CYP3A43: variants seen among roughly 807,000 people sequenced by gnomAD.
CYP3A43 encodes cytochrome P450 family 3 subfamily A member 43.
CYP3A43 carries 45 observed loss-of-function variants against 58.0 expected under a neutral mutation model. That is an observed-to-expected ratio of 0.78 (90% CI 0.61 to 0.99). The LOEUF is 0.99. Among genes scored for constraint, CYP3A43 ranks in the 50% least tolerant of loss-of-function variants. The pLI, the probability that CYP3A43 is intolerant of heterozygous loss-of-function variation, is 0.00. For synonymous variants in CYP3A43, 191 were observed against 201.4 expected (o/e 0.95, Z 0.44); for missense variants, 593 against 591.9 (o/e 1.00, Z -0.02).
intron 12 of CYP3A43, among the ~76,000 whole-genome samples, chr7:99,864,077 A>T (rs1818352736): frequency 6.7e-6 from 1 of 148,662 alleles, no homozygotes; most frequent in South Asian, 2.1e-4. Context: ...ACTAGAACTC[A>T]CTAGAACTTG....
chr7:99,866,006 C>T lies in CYP3A43; in HGVS notation c.*5C>T, dbSNP rs370581296. On this transcript the variant is annotated 3_prime_UTR_variant, in exon 13 of 13. Coordinates refer to ENST00000354829, the MANE Select transcript of CYP3A43 (RefSeq NM_057095.3). ...GGGATTACAAGTGGACCCTGACTTT[C>T]CCTAAGGACTTCCACTTTGTTCAAG... 2.6e-5 allele frequency: 41 copies of T among 1,568,896 alleles called. No homozygotes were observed. In the African/African-American group the frequency reaches 4.9e-4, roughly 19 times the overall value.
At chr7:99,839,851 G>A (rs1817263795) in intron 3 of CYP3A43, among the ~76,000 whole-genome samples, 1 of 152,166 alleles carries the variant, frequency 6.6e-6, no homozygotes, top group African/African-American at 2.4e-5. Flanking sequence ...TAAAAAACTG[G>A]TTAGGACTAG....
At chr7:99,862,592 C>T (rs924923819) in intron 11 of CYP3A43, among the ~76,000 whole-genome samples, 2 of 152,184 alleles carry the variant, frequency 1.3e-5, no homozygotes, top group Non-Finnish European at 2.9e-5. Context: ...AATTCAGAGC[C>T]AAGGTCAAGC....
intron 2 of CYP3A43, among the ~76,000 whole-genome samples, chr7:99,837,149 C>CAAAAAAAAAA (rs59738486): frequency 1.2e-5 from 1 of 80,610 alleles, no homozygotes; most frequent in African/African-American, 3.3e-5. Context: ...ACTAAAAATA[C>CAAAAAAAAAA]AAAAAAAAAA....
intron 4 of CYP3A43, among the ~76,000 whole-genome samples, chr7:99,844,927 G>T (rs996801736): frequency 2.0e-5 from 3 of 152,046 alleles, no homozygotes; most frequent in Non-Finnish European, 4.4e-5. Flanking sequence ...AAATTAGCCA[G>T]GCATGGTGGT....
intron 3 of CYP3A43, among the ~76,000 whole-genome samples, chr7:99,839,846 A>C (rs961950371): frequency 2.0e-5 from 3 of 152,204 alleles, no homozygotes; most frequent in Non-Finnish European, 2.9e-5. Context: ...GCACATAAAA[A>C]ACTGGTTAGG....
chr7:99,856,926 A>C, intron 9 of CYP3A43, 27 bp downstream of exon 9: 1 of 1,599,996 alleles, frequency 6.3e-7, no homozygotes. Context: ...TCTGGGGGCT[A>C]CTGATGGGGA....
chr7:99,835,376 T>A (rs527429802), intron 1 of CYP3A43, among the ~76,000 whole-genome samples: 15 of 152,360 alleles, frequency 9.8e-5, no homozygotes, highest in African/African-American at 3.6e-4. Context: ...CTGCTGCTGA[T>A]AAGCCTCTCG....
intron 1 of CYP3A43, among the ~76,000 whole-genome samples, chr7:99,832,136 A>T (rs1384730911): frequency 6.6e-6 from 1 of 152,126 alleles, no homozygotes; most frequent in Non-Finnish European, 1.5e-5. Flanking sequence ...GGGAAGGAAA[A>T]GCATAAACAC....
chr7:99,855,634 C>T lies in CYP3A43; in HGVS notation c.714C>T (p.Ile238=), dbSNP rs775589585. The T allele has an allele frequency of 4.3e-6, 7 of 1,613,146 alleles. No homozygotes were observed. The highest frequency in any genetic ancestry group is 2.7e-5 in the African/African-American group (2 of 74,868). Residue 238 remains isoleucine (I), a synonymous_variant, in exon 8 of 13, where the codon ATC becomes ATT. Coordinates refer to ENST00000354829, the MANE Select transcript of CYP3A43 (RefSeq NM_057095.3). The part of the protein sequence containing the change: ...FLTPVFEALN[I]GLFPKDVTHF... The stretch of plus-strand genomic sequence containing the variant: ...CCCCAGTTTTTGAAGCCCTAAATAT[C>T]GGTTTGTTTCCAAAAGATGTTACCC...
chr7:99,857,459 T>C (rs1362986599), intron 9 of CYP3A43, among the ~76,000 whole-genome samples: 2 of 152,132 alleles, frequency 1.3e-5, no homozygotes, highest in African/African-American at 2.4e-5. Context: ...ACTATGATGG[T>C]CGCAAAATAA....
chr7:99,842,870 A>G (rs1265918063), intron 3 of CYP3A43, among the ~76,000 whole-genome samples: 2 of 152,172 alleles, frequency 1.3e-5, no homozygotes, highest in African/African-American at 4.8e-5. Context: ...ATCTTTTAGT[A>G]TACATATCCT....
In CYP3A43 at chr7:99,842,881, C is replaced by T. The variant is rs1817390010; in HGVS notation, c.219-1262C>T. Among the ~76,000 whole-genome samples, 7 of 152,172 alleles carry T rather than the reference C, an allele frequency of 4.6e-5. No individual in the cohort carries two copies. The South Asian group carries it at 1.4e-3, about 32-fold the overall frequency. ...CTAAATCTTTTAGTATACATATCCT[C>T]CTTCCCCCCATGAACCAGCCCTTAA... On this transcript the variant is annotated intron_variant, in intron 3 of 12. Coordinates refer to ENST00000354829, the MANE Select transcript of CYP3A43 (RefSeq NM_057095.3).
rs576704406 is a variant in CYP3A43 at position 99,837,938 on chromosome 7, T to C, written c.166-1182T>C. Among the ~76,000 whole-genome samples the C allele has an allele frequency of 2.6e-5, 4 of 152,274 alleles. 1 individual carries two copies. Among genetic ancestry groups the C allele is most frequent in the African/African-American group, 9.6e-5 (4 of 41,552 alleles). On this transcript the variant is annotated intron_variant, in intron 2 of 12. Coordinates refer to ENST00000354829, the MANE Select transcript of CYP3A43 (RefSeq NM_057095.3). ...TGAGGCTTGTTTTTCAGATTCTAAT[T>C]CTCCCAACTGAGGCCTTCATTGCAA...
intron 1 of CYP3A43, among the ~76,000 whole-genome samples, chr7:99,830,302 G>A (rs557765218): frequency 6.6e-6 from 1 of 152,266 alleles, no homozygotes; most frequent in Admixed American, 6.5e-5. Flanking sequence ...TGGATCACGT[G>A]AGGTCAGAAG....
At chr7:99,861,546 C>A in intron 10 of CYP3A43, 67 bp from the exon 11 acceptor site, 1 of 1,369,218 alleles carries the variant, frequency 7.3e-7, no homozygotes, top group Non-Finnish European at 1.0e-6. Context: ...TTCAATAGTA[C>A]TGCATGGACT....
Position 99,839,106 on chromosome 7 carries a change from G to A in CYP3A43, c.166-14G>A. 1 of 1,614,072 alleles carries A rather than the reference G, an allele frequency of 6.2e-7. No individual in the cohort carries two copies. The highest frequency in any genetic ancestry group is 1.3e-5 in the African/African-American group (1 of 75,048). On this transcript the variant is annotated splice_polypyrimidine_tract_variant and intron_variant, in intron 2 of 12. Transcript: ENST00000354829. ...CGAAATAATACTTGAATTGTATTTT[G>A]TTTCTTCTGCCAGGGTCTTTGGAAT...
intron 1 of CYP3A43, among the ~76,000 whole-genome samples, chr7:99,833,674 C>T (rs1394743023): frequency 5.3e-5 from 8 of 152,220 alleles, no homozygotes; most frequent in Non-Finnish European, 1.2e-4. Context: ...CCATTGTCCC[C>T]TTTGGTGCTT....
chr7:99,842,413 G>T (rs1817369299), intron 3 of CYP3A43, among the ~76,000 whole-genome samples: 1 of 152,006 alleles, frequency 6.6e-6, no homozygotes, highest in African/African-American at 2.4e-5. Flanking sequence ...CCTATGAATT[G>T]CTTATTAATA....
Sources: gnomAD v4.1 joint callset for allele counts (sites outside exome capture counted in the v4.1 genomes callset) on GRCh38, gnomAD v4.1.1 for gene constraint, MANE v1.5 for transcripts, NCBI Gene and HGNC (gene_info 2026-07-23, HGNC 2026-07-21) for gene names.